The following SIRT5 variants were observed in gnomAD, a reference collection of about 807,000 sequenced individuals.
The protein encoded by SIRT5 is sirtuin 5.
Under a neutral mutation model 40.0 loss-of-function variants are expected in SIRT5, and 26 were observed. The ratio of observed to expected loss-of-function variants is 0.65; its 90% CI spans 0.48 to 0.90. The LOEUF is 0.90. SIRT5 is among the 40% of genes least tolerant of loss of function. SIRT5 has a pLI of 0.00. For missense variants in SIRT5, 401 were observed against 402.4 expected, an observed-to-expected ratio of 1.00 and a Z score of 0.03; for synonymous variants, 146 against 149.1, an observed-to-expected ratio of 0.98 and a Z score of 0.15.
At chr6:13,611,232 TATATACACACAC>T (rs1289233231) in intron 9 of SIRT5, among the ~76,000 whole-genome samples, 1 of 132,072 alleles carries the variant, frequency 7.6e-6, no homozygotes, top group African/African-American at 3.1e-5. Flanking sequence ...TATATATATA[TATATACACACAC>T]ACATACACAC....
Position 13,600,890 on chromosome 6 carries a change from C to G in SIRT5, c.798C>G (p.Ala266=), listed in dbSNP as rs945686100. The change falls in exon 9 of 10, where the codon GCC becomes GCG. Residue 266 remains alanine, a synonymous_variant. Coordinates refer to ENST00000606117, the MANE Select transcript of SIRT5 (RefSeq NM_012241.5). ...PAAMFAPQVA[A]RGVPVAEFNT... ...CCATGTTTGCCCCCCAGGTGGCTGCCAGGGGCGTGCCAGTGGCTGAATTTA... is the reference window on the plus strand; with the variant it reads ...CCATGTTTGCCCCCCAGGTGGCTGCGAGGGGCGTGCCAGTGGCTGAATTTA... The G allele has an allele frequency of 6.2e-7, 1 of 1,614,114 alleles. No individual in the cohort carries two copies.
Position 13,595,518 on chromosome 6 carries a change from G to C in SIRT5, c.517G>C (p.Ala173Pro). ...TCGATGTACCTCTTGTGGAGTTGTG[G>C]CTGAGAATTACAAGAGTCCAATTTG... is the stretch of plus-strand genomic sequence containing the variant. Reference protein sequence around the residue: ...KTRCTSCGVVAENYKSPICPA... With the variant: ...KTRCTSCGVVPENYKSPICPA... Residue 173 changes from alanine to proline, a missense_variant, in exon 6 of 10, where the codon GCT (alanine) becomes CCT (proline). By Grantham distance (27) the Ala-to-Pro change is conservative (BLOSUM62 -1). Transcript: ENST00000606117. 1 of 1,614,132 alleles carries C rather than the reference G, an allele frequency of 6.2e-7. No individual in the cohort carries two copies. The highest frequency in any genetic ancestry group is 8.5e-7 in the Non-Finnish European group (1 of 1,180,002).
Position 13,601,078 on chromosome 6 carries a change from C to T in SIRT5, c.857+129C>T, listed in dbSNP as rs986415591. 1.3e-4 allele frequency: 86 copies of T among 651,344 alleles called. No individual in the cohort carries two copies. In the East Asian group the frequency reaches 2.5e-3, roughly 19 times the overall value. The allele number at this position is 651,344 out of a possible 1,614,324, so 40.3% of individuals were successfully genotyped here. ...GGTTTGTGTTTTTTTGTTTGATCTG[C>T]AGTTGCTTTTATGGAAGAACAAAAT... On this transcript the variant is annotated intron_variant, in intron 9 of 9. Transcript: ENST00000606117.
At chr6:13,593,174 A>G (rs1046938735) in intron 5 of SIRT5, among the ~76,000 whole-genome samples, 2 of 152,092 alleles carry the variant, frequency 1.3e-5, no homozygotes, top group Non-Finnish European at 2.9e-5. Context: ...AGCCTCCTAA[A>G]GTTTTGGGAT....
intron 7 of SIRT5, among the ~76,000 whole-genome samples, chr6:13,598,643 A>C (rs1196201219): frequency 2.0e-5 from 3 of 152,110 alleles, no homozygotes; most frequent in Non-Finnish European, 4.4e-5. Flanking sequence ...CAGCCCGGCG[A>C]ATGTGGTGAA....
chr6:13,590,218 G>C (rs138471011), intron 4 of SIRT5, among the ~76,000 whole-genome samples: 1 of 152,170 alleles, frequency 6.6e-6, no homozygotes, highest in South Asian at 2.1e-4. Context: ...ATGCAACTGC[G>C]TAACACCCCC....
intron 9 of SIRT5, among the ~76,000 whole-genome samples, chr6:13,602,909 A>G (rs1762587041): frequency 1.3e-5 from 2 of 152,248 alleles, no homozygotes; most frequent in South Asian, 4.1e-4. Context: ...AAGTAACATA[A>G]GAAAAATGGA....
At position 13,584,132 on chromosome 6, in the gene SIRT5, C is replaced by T. The variant is rs1290673267; in HGVS notation, c.22C>T (p.Pro8Ser). The T allele has an allele frequency of 2.5e-6, 4 of 1,613,932 alleles. No individual in the cohort carries two copies. The highest frequency in any genetic ancestry group is 3.4e-6 in the Non-Finnish European group (4 of 1,179,996). MRPLQIV[P>S]SRLISQLYCG... Reference sequence around the variant, plus strand: ...CCTGATGCGACCTCTCCAGATTGTCCCAAGTCGATTGATTTCCCAGCTATA... The same window carrying T: ...CCTGATGCGACCTCTCCAGATTGTCTCAAGTCGATTGATTTCCCAGCTATA... The change falls in exon 3 of 10, where the codon CCA becomes TCA. Residue 8 changes from proline (P) to serine (S), a missense_variant. By Grantham distance (74) the Pro-to-Ser change is moderately conservative (BLOSUM62 -1). Transcript: ENST00000606117.
At chr6:13,596,418 C>T (rs1390705126) in intron 6 of SIRT5, among the ~76,000 whole-genome samples, 1 of 152,018 alleles carries the variant, frequency 6.6e-6, no homozygotes, top group Non-Finnish European at 1.5e-5. Context: ...ACATGAAGTT[C>T]CCCCTTGGCA....
chr6:13,593,260 G>C (rs377596743), intron 5 of SIRT5, among the ~76,000 whole-genome samples: 1 of 152,166 alleles, frequency 6.6e-6, no homozygotes, highest in Non-Finnish European at 1.5e-5. Context: ...CACCAGTCGG[G>C]GGTGTTTGTT....
In SIRT5 at chr6:13,614,257, C is replaced by G. The variant is rs942271041; in HGVS notation, c.*2392C>G. 1 of 152,180 alleles carries G rather than the reference C, an allele frequency of 6.6e-6. No individual in the cohort carries two copies. Among genetic ancestry groups the G allele is most frequent in the Non-Finnish European group, 1.5e-5 (1 of 68,046 alleles). The allele number at this position is 152,180 out of a possible 1,614,324, so 9.4% of individuals were successfully genotyped here. On this transcript the variant is annotated 3_prime_UTR_variant, in exon 10 of 10. Transcript: ENST00000606117. ...GCTGTTATGAAGTGCAGAAACTACA[C>G]AGACATTTGTGCGGGTTCAGACCAG...
chr6:13,582,586 A>G (rs1459980764), intron 2 of SIRT5, among the ~76,000 whole-genome samples: 3 of 150,452 alleles, frequency 2.0e-5, no homozygotes, highest in African/African-American at 7.4e-5. Flanking sequence ...CAATCGAGAT[A>G]TATAACAATA....
intron 9 of SIRT5, among the ~76,000 whole-genome samples, chr6:13,610,348 A>T (rs931830917): frequency 1.3e-5 from 2 of 152,196 alleles, no homozygotes. Context: ...TACACAGAGT[A>T]ATTTTGTATC....
At chr6:13,575,604 T>C (rs1424896267) in intron 1 of SIRT5, among the ~76,000 whole-genome samples, 15 of 152,108 alleles carry the variant, frequency 9.9e-5, no homozygotes, top group East Asian at 3.8e-4. Context: ...TTTTGATATA[T>C]GTATACATTG....
chr6:13,609,639 G>A (rs1352431391), intron 9 of SIRT5, among the ~76,000 whole-genome samples: 1 of 152,088 alleles, frequency 6.6e-6, no homozygotes, highest in Non-Finnish European at 1.5e-5. Flanking sequence ...CAAGGCTAGA[G>A]GAATATTTCA....
At chr6:13,605,432 C>G (rs1762979299) in intron 9 of SIRT5, 3 of 985,384 alleles carry the variant, frequency 3.0e-6, no homozygotes, top group Non-Finnish European at 3.6e-6. Flanking sequence ...ATAATGTTCT[C>G]TGCTACTTTT....
chr6:13,602,732 C>G (rs1762564268), intron 9 of SIRT5, among the ~76,000 whole-genome samples: 1 of 152,056 alleles, frequency 6.6e-6, no homozygotes, highest in South Asian at 2.1e-4. Context: ...TACCCACATG[C>G]AAAAGAATAA....
chr6:13,599,192 G>T, intron 8 of SIRT5, 37 bp downstream of exon 8: 2 of 1,583,232 alleles, frequency 1.3e-6, no homozygotes, highest in Non-Finnish European at 1.7e-6. Context: ...GGACAGGACT[G>T]GAGTTTGTTA....
intron 9 of SIRT5, among the ~76,000 whole-genome samples, chr6:13,603,374 T>G (rs1448223490): frequency 6.6e-6 from 1 of 151,448 alleles, no homozygotes; most frequent in African/African-American, 2.4e-5. Flanking sequence ...CCAGGATATA[T>G]AAAGAACTCT....
Sources: gnomAD v4.1 joint callset for allele counts (sites outside exome capture counted in the v4.1 genomes callset) on GRCh38, gnomAD v4.1.1 for gene constraint, MANE v1.5 for transcripts, NCBI Gene and HGNC (gene_info 2026-07-23, HGNC 2026-07-21) for gene names.